LHFPL6: variants seen among roughly 807,000 people sequenced by gnomAD.
The protein encoded by LHFPL6 is LHFPL tetraspan subfamily member 6, also known as LHFPL tetraspan subfamily member 6 protein.
In LHFPL6, 9 loss-of-function variants were observed where a neutral mutation model predicts 20.6. The observed-to-expected ratio is 0.44, with a 90% CI of 0.26 to 0.76. The LOEUF is 0.76. Among genes scored for constraint, LHFPL6 ranks in the 30% least tolerant of loss-of-function variants. LHFPL6 has a pLI of 0.20. For missense variants in LHFPL6, 218 were observed against 253.5 expected (o/e 0.86, Z 0.95); for synonymous variants, 105 against 98.7 (o/e 1.06, Z -0.38).
At position 39,432,342 on chromosome 13, in the gene LHFPL6, A is replaced by G. The variant is rs914326869; in HGVS notation, c.386-53816T>C. 5.9e-5 allele frequency among the ~76,000 whole-genome samples: 9 copies of G among 152,294 alleles called. No homozygotes were observed. The South Asian group carries it at 1.7e-3, about 28-fold the overall frequency. ...TCACTTTACACTGTGCTCAGACTTT[A>G]TAATGGCTTTCCCCTCTGTCCATTC... is the stretch of plus-strand genomic sequence containing the variant. On this transcript the variant is annotated intron_variant, in intron 2 of 3. Coordinates refer to ENST00000379589, the MANE Select transcript of LHFPL6 (RefSeq NM_005780.3).
chr13:39,513,339 T>A (rs927833501), intron 2 of LHFPL6, among the ~76,000 whole-genome samples: 2 of 152,224 alleles, frequency 1.3e-5, no homozygotes, highest in Non-Finnish European at 2.9e-5. Flanking sequence ...AGGATAAAGT[T>A]TTCTCAGCCT....
At chr13:39,462,289 C>T (rs1007135365) in intron 2 of LHFPL6, among the ~76,000 whole-genome samples, 1 of 152,172 alleles carries the variant, frequency 6.6e-6, no homozygotes, top group African/African-American at 2.4e-5. Flanking sequence ...CAAAATGTCA[C>T]CACAATAATT....
intron 2 of LHFPL6, among the ~76,000 whole-genome samples, chr13:39,558,907 G>A (rs1024699283): frequency 5.3e-5 from 8 of 152,152 alleles, no homozygotes; most frequent in Admixed American, 1.3e-4. Context: ...GATGAATATC[G>A]TTAGAAAATT....
chr13:39,475,797 G>A (rs906030280), intron 2 of LHFPL6, among the ~76,000 whole-genome samples: 3 of 152,068 alleles, frequency 2.0e-5, no homozygotes, highest in Admixed American at 1.3e-4. Flanking sequence ...ATCAGTTATC[G>A]GTTCCAGTAA....
chr13:39,360,369 C>T lies in LHFPL6; in HGVS notation c.485-16315G>A, dbSNP rs1471877526. ...ATCTTTTTTGTTTGCCCTACTTTCTCCACAGAGCTAACCAGAAGATAAAAT... is the reference window on the plus strand; with the variant it reads ...ATCTTTTTTGTTTGCCCTACTTTCTTCACAGAGCTAACCAGAAGATAAAAT... On this transcript the variant is annotated intron_variant, in intron 3 of 3. Transcript: ENST00000379589. 4.1e-5 allele frequency among the ~76,000 whole-genome samples: 4 copies of T among 97,514 alleles called. 1 individual carries two copies. Among genetic ancestry groups the T allele is most frequent in the African/African-American group, 1.2e-4 (4 of 33,298 alleles). 64.0% of individuals were successfully genotyped at this position (97,514 alleles called of 152,430 possible). A position where few individuals can be genotyped will look rare whatever the true frequency, so the allele number is the denominator to read the frequency against.
intron 2 of LHFPL6, among the ~76,000 whole-genome samples, chr13:39,412,562 C>T (rs1871258205): frequency 6.6e-6 from 1 of 152,176 alleles, no homozygotes; most frequent in African/African-American, 2.4e-5. Context: ...CATTAAGAGG[C>T]AGATGCCACA....
Position 39,584,525 on chromosome 13 carries a change from CAA to C in LHFPL6, c.385+16305_385+16306del, listed in dbSNP as rs35746128. Among the ~76,000 whole-genome samples, 28 of 58,818 alleles carry C rather than the reference CAA, an allele frequency of 4.8e-4. No homozygotes were observed. The East Asian group carries it at 5.3e-3, about 11-fold the overall frequency. 38.6% of individuals were successfully genotyped at this position (58,818 alleles called of 152,430 possible). A position where few individuals can be genotyped will look rare whatever the true frequency, so the allele number is the denominator to read the frequency against. On this transcript the variant is annotated intron_variant, in intron 2 of 3. Transcript: ENST00000379589. The stretch of plus-strand genomic sequence containing the variant: ...GGGCAACAACAGTGAAACTCTGTCT[CAA>C]AAAAAAAAAAAAAAAAACCATTAAT...
At chr13:39,583,261 C>T (rs563099188) in intron 2 of LHFPL6, among the ~76,000 whole-genome samples, 1 of 151,450 alleles carries the variant, frequency 6.6e-6, no homozygotes, top group East Asian at 1.9e-4. Context: ...CAACCTCTGC[C>T]TCCCAGGCTC....
At position 39,378,489 on chromosome 13, in the gene LHFPL6, C is replaced by T. The variant is rs150050011; in HGVS notation, c.423G>A (p.Leu141=). 5.8e-4 allele frequency: 931 copies of T among 1,613,942 alleles called. 4 individuals are homozygous for T. The African/African-American group carries it at 0.011, about 19-fold the overall frequency. The change falls in exon 3 of 4, where the codon TTG becomes TTA. Residue 141 remains leucine, a synonymous_variant. Coordinates refer to ENST00000379589, the MANE Select transcript of LHFPL6 (RefSeq NM_005780.3). ...LIGAGCALYP[L]GWDSEEVRQT... is the part of the protein sequence containing the mutation. ...GCCGGACTTCCTCACTGTCCCAGCC[C>T]AAGGGGTAGAGGGCACAGCCAGCAC... is the stretch of plus-strand genomic sequence containing the variant.
chr13:39,408,665 T>A lies in LHFPL6; in HGVS notation c.386-30139A>T, dbSNP rs528833661. 3.0e-3 allele frequency among the ~76,000 whole-genome samples: 455 copies of A among 152,308 alleles called. 3 individuals carry two copies. Among genetic ancestry groups the A allele is most frequent in the African/African-American group, 0.011 (439 of 41,564 alleles). ...TGTTGAACTGCTATGGCTTGAGCCT[T>A]TGAAAATAAAAGTCAGGTTCAAATA... On this transcript the variant is annotated intron_variant, in intron 2 of 3. Transcript: ENST00000379589.
In LHFPL6 at chr13:39,570,789, G is replaced by A. The variant is rs1017346680; in HGVS notation, c.385+30043C>T. Among the ~76,000 whole-genome samples, 17 of 152,178 alleles carry A rather than the reference G, an allele frequency of 1.1e-4. 1 individual carries two copies. Among genetic ancestry groups the A allele is most frequent in the African/African-American group, 3.1e-4 (13 of 41,452 alleles). ...TGTGAGTGCGTGTGAGTGAATGTGTGTGTGTGCATGGGCATGCCACGTGTG... is the reference window on the plus strand; with the variant it reads ...TGTGAGTGCGTGTGAGTGAATGTGTATGTGTGCATGGGCATGCCACGTGTG... On this transcript the variant is annotated intron_variant, in intron 2 of 3. Coordinates refer to ENST00000379589, the MANE Select transcript of LHFPL6 (RefSeq NM_005780.3).
chr13:39,413,857 C>T (rs1035247838), intron 2 of LHFPL6, among the ~76,000 whole-genome samples: 3 of 152,170 alleles, frequency 2.0e-5, no homozygotes, highest in Non-Finnish European at 2.9e-5. Context: ...GGTTATCCTA[C>T]CTCCTGACAA....
intron 2 of LHFPL6, among the ~76,000 whole-genome samples, chr13:39,487,763 C>A (rs1868774514): frequency 6.6e-6 from 1 of 152,144 alleles, no homozygotes; most frequent in Admixed American, 6.5e-5. Flanking sequence ...AATCCCAGCA[C>A]TTTGGGAGGC....
At chr13:39,597,694 C>A (rs866050518) in intron 2 of LHFPL6, among the ~76,000 whole-genome samples, 4 of 152,178 alleles carry the variant, frequency 2.6e-5, no homozygotes, top group African/African-American at 9.7e-5. Flanking sequence ...AGTTTCTGTA[C>A]AGATTACCAC....
At chr13:39,485,287 A>G (rs1315396277) in intron 2 of LHFPL6, among the ~76,000 whole-genome samples, 1 of 152,244 alleles carries the variant, frequency 6.6e-6, no homozygotes, top group African/African-American at 2.4e-5. Flanking sequence ...CCTTAGAGGC[A>G]TTGTAATACT....
At chr13:39,345,616 G>A (rs1386477315) in intron 3 of LHFPL6, among the ~76,000 whole-genome samples, 2 of 150,536 alleles carry the variant, frequency 1.3e-5, no homozygotes, top group Non-Finnish European at 3.0e-5. Context: ...GAGTGACACT[G>A]AAGTGAAACC....
At chr13:39,529,240 C>T (rs1204425106) in intron 2 of LHFPL6, among the ~76,000 whole-genome samples, 1 of 151,996 alleles carries the variant, frequency 6.6e-6, no homozygotes, top group South Asian at 2.1e-4. Context: ...TACAGGCACC[C>T]GCCACCATGC....
At chr13:39,365,869 G>A (rs1223019189) in intron 3 of LHFPL6, among the ~76,000 whole-genome samples, 5 of 152,296 alleles carry the variant, frequency 3.3e-5, no homozygotes, top group South Asian at 4.2e-4. Context: ...TGATCAAGCC[G>A]TGGATACCAT....
chr13:39,597,269 C>T (rs1365656837), intron 2 of LHFPL6, among the ~76,000 whole-genome samples: 1 of 152,210 alleles, frequency 6.6e-6, no homozygotes, highest in Non-Finnish European at 1.5e-5. Context: ...GAAATGTACA[C>T]ATTCAGATTC....
Sources: allele counts gnomAD v4.1 joint callset (sites outside exome capture counted in the v4.1 genomes callset), GRCh38; gene constraint gnomAD v4.1.1; transcripts MANE v1.5; gene names NCBI Gene and HGNC (gene_info 2026-07-23, HGNC 2026-07-21).